JADE3: variants seen among roughly 807,000 people sequenced by gnomAD.
JADE3 encodes jade family PHD finger 3.
In JADE3, 2 loss-of-function variants were observed where a neutral mutation model predicts 50.1. The ratio of observed to expected loss-of-function variants is 0.04; its 90% confidence interval spans 0.02 to 0.13. The LOEUF (loss-of-function observed/expected upper bound fraction) is 0.13. Among genes scored for constraint, JADE3 ranks in the 10% least tolerant of loss-of-function variants. The pLI is 1.00. For synonymous variants in JADE3, 218 were observed against 232.9 expected, an observed-to-expected ratio of 0.94 and a Z score of 0.58; for missense variants, 475 against 634.4, an observed-to-expected ratio of 0.75 and a Z score of 2.70.
chrX:46,996,602 C>T (rs1556357451), intron 3 of JADE3, among the ~76,000 whole-genome samples: 1 of 111,950 alleles, frequency 8.9e-6, no homozygotes, highest in Non-Finnish European at 1.9e-5. Flanking sequence ...CCTCTTCCAG[C>T]TTTTGGTGGA....
chrX:46,985,612 T>G (rs1927843403), intron 2 of JADE3, 101 bp from the exon 3 acceptor site: 2 of 546,753 alleles, frequency 3.7e-6, no homozygotes, highest in Non-Finnish European at 6.1e-6. Context: ...GGTTTCTCCA[T>G]CATATTTTTC....
chrX:47,031,752 G>T (rs1348731160), intron 6 of JADE3, among the ~76,000 whole-genome samples: 1 of 110,734 alleles, frequency 9.0e-6, no homozygotes, highest in Admixed American at 9.6e-5. Flanking sequence ...GTGCTCCTAG[G>T]TACTCGGGAG....
chrX:46,925,618 G>A (rs1035659181), intron 1 of JADE3, among the ~76,000 whole-genome samples: 9 of 110,262 alleles, frequency 8.2e-5, no homozygotes, highest in Non-Finnish European at 1.5e-4. Context: ...TCAGGAGATC[G>A]AGACCATCCT....
intron 1 of JADE3, among the ~76,000 whole-genome samples, chrX:46,937,622 C>G (rs1360431089): frequency 8.9e-6 from 1 of 111,972 alleles, no homozygotes; most frequent in Non-Finnish European, 1.9e-5. Flanking sequence ...GTATGTTAAC[C>G]CTTTTAACAT....
At chrX:47,016,609 C>T (rs1014256287) in intron 4 of JADE3, among the ~76,000 whole-genome samples, 1 of 111,451 alleles carries the variant, frequency 9.0e-6, no homozygotes, top group East Asian at 2.8e-4. Flanking sequence ...AAAATAGGCC[C>T]CATTTCTCAA....
chrX:46,935,123 G>A (rs193129697), intron 1 of JADE3, among the ~76,000 whole-genome samples: 185 of 110,245 alleles, frequency 1.7e-3, no homozygotes, highest in African/African-American at 5.6e-3. Flanking sequence ...TAGTAGAGAC[G>A]GGGTTTTGCC....
At chrX:47,049,460 C>CTGGCTCTT (rs1929453148) in intron 8 of JADE3, among the ~76,000 whole-genome samples, 3 of 105,930 alleles carry the variant, frequency 2.8e-5, no homozygotes, top group African/African-American at 6.9e-5. Context: ...GCCACCGCGC[C>CTGGCTCTT]CAACCCTTTT....
At chrX:46,981,358 G>A (rs1927750228) in intron 1 of JADE3, among the ~76,000 whole-genome samples, 2 of 112,279 alleles carry the variant, frequency 1.8e-5, no homozygotes, top group South Asian at 7.4e-4. Context: ...TCAGATAAAT[G>A]AAGTGCTACT....
intron 8 of JADE3, among the ~76,000 whole-genome samples, chrX:47,043,120 G>A (rs931827568): frequency 8.9e-6 from 1 of 112,180 alleles, no homozygotes; most frequent in Non-Finnish European, 1.9e-5. Flanking sequence ...ATATCTACAA[G>A]TCTGCAAGAG....
At chrX:46,939,770 AAG>A (rs1556341939) in intron 1 of JADE3, among the ~76,000 whole-genome samples, 1 of 112,308 alleles carries the variant, frequency 8.9e-6, no homozygotes, top group Non-Finnish European at 1.9e-5. Flanking sequence ...AGTCTTAGTT[AAG>A]AGCACGATTG....
At chrX:46,965,779 G>T (rs1242201953) in intron 1 of JADE3, among the ~76,000 whole-genome samples, 4 of 112,047 alleles carry the variant, frequency 3.6e-5, no homozygotes, top group Non-Finnish European at 7.5e-5. Flanking sequence ...TGTGGTGAGG[G>T]ATAAAGCTGC....
intron 1 of JADE3, among the ~76,000 whole-genome samples, chrX:46,937,971 T>C (rs1161101279): frequency 8.9e-6 from 1 of 112,021 alleles, no homozygotes; most frequent in Non-Finnish European, 1.9e-5. Context: ...TGAGCAAAAC[T>C]GCATCTCAAA....
At chrX:46,990,129 A>G (rs1927952607) in intron 3 of JADE3, among the ~76,000 whole-genome samples, 1 of 111,156 alleles carries the variant, frequency 9.0e-6, no homozygotes, top group Admixed American at 9.6e-5. Context: ...AAACATTTTT[A>G]TCATGGATGT....
At chrX:46,952,898 T>C (rs1176440485) in intron 1 of JADE3, among the ~76,000 whole-genome samples, 2 of 109,877 alleles carry the variant, frequency 1.8e-5, no homozygotes, top group Non-Finnish European at 3.8e-5. Context: ...CTCAGGAGGC[T>C]GAGGCAGGAG....
intron 1 of JADE3, among the ~76,000 whole-genome samples, chrX:46,933,751 C>G (rs140551735): frequency 3.0e-4 from 33 of 110,911 alleles, no homozygotes; most frequent in African/African-American, 8.8e-4. Context: ...TATTTAAAAA[C>G]AAAAAATCTA....
intron 8 of JADE3, among the ~76,000 whole-genome samples, chrX:47,049,181 CT>C (rs376747614): frequency 5.3e-4 from 41 of 77,543 alleles, no homozygotes; most frequent in Non-Finnish European, 7.5e-4. Context: ...CTTTCTTCTT[CT>C]TTTTTTTTTT....
At chrX:47,002,679 TAAAA>T (rs56653702) in intron 4 of JADE3, among the ~76,000 whole-genome samples, 1 of 94,299 alleles carries the variant, frequency 1.1e-5, no homozygotes, top group African/African-American at 3.8e-5. Flanking sequence ...CAGTTTTATT[TAAAA>T]AAAAAAAAAA....
At chrX:46,962,990 C>T (rs1196331264) in intron 1 of JADE3, among the ~76,000 whole-genome samples, 5 of 110,733 alleles carry the variant, frequency 4.5e-5, no homozygotes, top group African/African-American at 9.9e-5. Context: ...GCGTGCCTGC[C>T]GCCACGCCCA....
intron 4 of JADE3, among the ~76,000 whole-genome samples, chrX:47,009,137 A>G (rs1928501555): frequency 9.0e-6 from 1 of 110,648 alleles, no homozygotes; most frequent in Non-Finnish European, 1.9e-5. Context: ...AGCTTGGGCA[A>G]CATAGTGAGA....
Sources: allele counts gnomAD v4.1 joint callset (sites outside exome capture counted in the v4.1 genomes callset), GRCh38; gene constraint gnomAD v4.1.1; transcripts MANE v1.5; gene names NCBI Gene and HGNC (gene_info 2026-07-23, HGNC 2026-07-21).